The following CYYR1 variants were observed in gnomAD, a reference collection of about 807,000 sequenced individuals.
The protein encoded by CYYR1 is cysteine and tyrosine rich 1, also known as cysteine and tyrosine-rich protein 1.
CYYR1 carries 14 observed loss-of-function variants against 15.2 expected under a neutral mutation model. The observed-to-expected ratio is 0.92, with a 90% confidence interval of 0.61 to 1.44. The LOEUF (loss-of-function observed/expected upper bound fraction) is 1.44, where lower values mean the gene tolerates loss of function less well. CYYR1 is among the 40% of genes most tolerant of loss of function. CYYR1 has a pLI of 0.00. For missense variants in CYYR1, 228 were observed against 209.5 expected (o/e 1.09, Z -0.54); for synonymous variants, 80 against 77.4 (o/e 1.03, Z -0.18).
chr21:26,472,757 A>G (rs960044914), intron 3 of CYYR1, among the ~76,000 whole-genome samples: 57 of 152,132 alleles, frequency 3.7e-4, no homozygotes, highest in Admixed American at 1.3e-4. Context: ...CCTTACTGAC[A>G]TTCTGAAGTT....
chr21:26,480,401 C>T lies in CYYR1; in HGVS notation c.205G>A (p.Gly69Arg), dbSNP rs748859736. The T allele has an allele frequency of 6.2e-7, 1 of 1,612,450 alleles. No homozygotes were observed. The highest frequency in any genetic ancestry group is 8.5e-7 in the Non-Finnish European group (1 of 1,179,358). The change falls in exon 3 of 4, where the codon GGA becomes AGA. Residue 69 changes from glycine (G) to arginine (R), a missense_variant. Coordinates refer to ENST00000652641, the MANE Select transcript of CYYR1 (RefSeq NM_001320768.2). ...ATGACCCCCATGATAAATACTATTCCAAAAACAATGCCCGCAATTGCAGTG... is the reference window on the plus strand; with the variant it reads ...ATGACCCCCATGATAAATACTATTCTAAAAACAATGCCCGCAATTGCAGTG... ...SGTAIAGIVF[G>R]IVFIMGVIAG...
intron 3 of CYYR1, among the ~76,000 whole-genome samples, chr21:26,473,685 G>C (rs1027914958): frequency 1.3e-5 from 2 of 152,140 alleles, no homozygotes; most frequent in Non-Finnish European, 2.9e-5. Flanking sequence ...GTTTTCTCAA[G>C]AAATGAGATC....
chr21:26,548,688 G>A (rs1247133730), intron 2 of CYYR1, among the ~76,000 whole-genome samples: 9 of 152,140 alleles, frequency 5.9e-5, no homozygotes, highest in Non-Finnish European at 1.3e-4. Context: ...AAGGGCCATT[G>A]GTTAAAGAAT....
At position 26,556,515 on chromosome 21, in the gene CYYR1, A is replaced by G. The variant is rs144953292; in HGVS notation, c.176+9751T>C. 6.5e-3 allele frequency among the ~76,000 whole-genome samples: 994 copies of G among 152,304 alleles called. 10 individuals are homozygous for G. The highest frequency in any genetic ancestry group is 0.023 in the African/African-American group (942 of 41,564). On this transcript the variant is annotated intron_variant, in intron 2 of 3. Coordinates refer to ENST00000652641, the MANE Select transcript of CYYR1 (RefSeq NM_001320768.2). Reference sequence around the variant, plus strand: ...CCTGAGACTGGGTAATTTATAAAGAAAAGAGGCTTAATTGACTCATGGTTC... The same window carrying G: ...CCTGAGACTGGGTAATTTATAAAGAGAAGAGGCTTAATTGACTCATGGTTC...
Position 26,573,170 on chromosome 21 carries a change from C to A in CYYR1, c.-230G>T. On this transcript the variant is annotated 5_prime_UTR_variant, in exon 1 of 4. Transcript: ENST00000652641. ...CGCCCGTGGCCCGAGACGGGCTGCG[C>A]TGGGGGCCCAGGTCTCTTTGTCTCG... The A allele has an allele frequency of 6.7e-7, 1 of 1,481,892 alleles. No individual in the cohort carries two copies. Among genetic ancestry groups the A allele is most frequent in the African/African-American group, 1.4e-5 (1 of 70,228 alleles). 91.8% of individuals were successfully genotyped at this position (1,481,892 alleles called of 1,614,324 possible).
intron 2 of CYYR1, among the ~76,000 whole-genome samples, chr21:26,492,612 A>G (rs2065343370): frequency 6.6e-6 from 1 of 152,146 alleles, no homozygotes; most frequent in South Asian, 2.1e-4. Flanking sequence ...TTTCATCTAA[A>G]CATATAAGTG....
chr21:26,505,221 C>T (rs1214589674), intron 2 of CYYR1, among the ~76,000 whole-genome samples: 1 of 152,146 alleles, frequency 6.6e-6, no homozygotes, highest in Non-Finnish European at 1.5e-5. Context: ...ACTTTGTTTT[C>T]CATATGATGC....
At chr21:26,561,774 T>C (rs1980220757) in intron 2 of CYYR1, among the ~76,000 whole-genome samples, 1 of 152,246 alleles carries the variant, frequency 6.6e-6, no homozygotes, top group Non-Finnish European at 1.5e-5. Flanking sequence ...TAGCTCACTA[T>C]GTCCAAACTA....
At chr21:26,487,935 G>A (rs1374023244) in intron 2 of CYYR1, among the ~76,000 whole-genome samples, 1 of 144,706 alleles carries the variant, frequency 6.9e-6, no homozygotes, top group Middle Eastern at 3.3e-3. Flanking sequence ...AAAAAAATCT[G>A]TAAAATCCAA....
At chr21:26,563,244 A>C (rs1236400040) in intron 2 of CYYR1, among the ~76,000 whole-genome samples, 1 of 152,064 alleles carries the variant, frequency 6.6e-6, no homozygotes, top group South Asian at 2.1e-4. Flanking sequence ...TTTATTTGCC[A>C]AAATTCACTC....
At chr21:26,517,819 G>A (rs2065752491) in intron 2 of CYYR1, among the ~76,000 whole-genome samples, 2 of 152,158 alleles carry the variant, frequency 1.3e-5, no homozygotes, top group African/African-American at 4.8e-5. Context: ...GCTTCCCAAA[G>A]TGCTAGGATT....
chr21:26,539,851 C>T (rs1978422720), intron 2 of CYYR1, among the ~76,000 whole-genome samples: 1 of 152,124 alleles, frequency 6.6e-6, no homozygotes, highest in Non-Finnish European at 1.5e-5. Flanking sequence ...TGCATTCAAC[C>T]TATGTTATTT....
chr21:26,533,485 C>G (rs554050269), intron 2 of CYYR1, among the ~76,000 whole-genome samples: 5 of 152,106 alleles, frequency 3.3e-5, no homozygotes, highest in Admixed American at 2.0e-4. Flanking sequence ...GATGAATGTC[C>G]CAGCTCAGAT....
At chr21:26,534,392 T>C (rs761018873) in intron 2 of CYYR1, among the ~76,000 whole-genome samples, 2 of 152,172 alleles carry the variant, frequency 1.3e-5, no homozygotes, top group Non-Finnish European at 2.9e-5. Flanking sequence ...GCTGAATCTT[T>C]TCTTGCCCCT....
chr21:26,467,150 T>C lies in CYYR1; in HGVS notation c.*1351A>G, dbSNP rs1335267149. 6.6e-6 allele frequency: 1 copy of C among 152,162 alleles called. No homozygotes were observed. Among genetic ancestry groups the C allele is most frequent in the East Asian group, 1.9e-4 (1 of 5,202 alleles). The allele number at this position is 152,162 out of a possible 1,614,324, so 9.4% of individuals were successfully genotyped here. The stretch of plus-strand genomic sequence containing the variant: ...ATTGGATTAAGCATTTTAGATTTAA[T>C]TGTAAAATGACACAAAAATCTAATC... On this transcript the variant is annotated 3_prime_UTR_variant, in exon 4 of 4. Coordinates refer to ENST00000652641, the MANE Select transcript of CYYR1 (RefSeq NM_001320768.2).
At chr21:26,490,390 TACTTG>T (rs1350195303) in intron 2 of CYYR1, among the ~76,000 whole-genome samples, 1 of 152,086 alleles carries the variant, frequency 6.6e-6, no homozygotes, top group Non-Finnish European at 1.5e-5. Context: ...TGATACATAA[TACTTG>T]ACTTTAAAGA....
chr21:26,485,053 G>A (rs1302337175), intron 2 of CYYR1, among the ~76,000 whole-genome samples: 2 of 151,900 alleles, frequency 1.3e-5, no homozygotes, highest in African/African-American at 2.4e-5. Context: ...ATAAATAATT[G>A]GCTCAGTCAA....
chr21:26,530,337 A>G (rs952656327), intron 2 of CYYR1, among the ~76,000 whole-genome samples: 1 of 152,050 alleles, frequency 6.6e-6, no homozygotes, highest in African/African-American at 2.4e-5. Context: ...AACTATAAAA[A>G]TCATTTTTGT....
chr21:26,505,882 T>G (rs1202231075), intron 2 of CYYR1, among the ~76,000 whole-genome samples: 1 of 152,222 alleles, frequency 6.6e-6, no homozygotes, highest in Non-Finnish European at 1.5e-5. Context: ...AACTATTTAG[T>G]CTTGGGAGAT....
Sources: gnomAD v4.1 joint callset for allele counts (sites outside exome capture counted in the v4.1 genomes callset) on GRCh38, gnomAD v4.1.1 for gene constraint, MANE v1.5 for transcripts, NCBI Gene and HGNC (gene_info 2026-07-23, HGNC 2026-07-21) for gene names.